Variants in LRP1B observed in about 807,000 individuals in gnomAD.
The protein encoded by LRP1B is low-density lipoprotein receptor-related protein 1B.
A neutral mutation model predicts 556.6 loss-of-function variants in LRP1B; 217 were observed. The ratio of observed to expected loss-of-function variants is 0.39; its 90% confidence interval spans 0.35 to 0.44. LRP1B has a LOEUF of 0.44. Ranked by LOEUF, LRP1B falls within the 20% of genes least tolerant of loss-of-function variation. The pLI is 1.00. For synonymous variants in LRP1B, 2,047 were observed against 1,865.8 expected (o/e 1.10, Z -2.50); for missense variants, 5,053 against 5,620.8 (o/e 0.90, Z 3.23).
intron 55 of LRP1B, among the ~76,000 whole-genome samples, chr2:140,498,641 T>C (rs1018081366): frequency 1.3e-5 from 2 of 151,844 alleles, no homozygotes; most frequent in African/African-American, 2.4e-5. Flanking sequence ...GGCTGCTGGA[T>C]AGTTTTCACC....
intron 48 of LRP1B, 63 bp from the exon 49 acceptor site, chr2:140,526,056 G>T: frequency 1.3e-6 from 2 of 1,537,528 alleles, no homozygotes; most frequent in Non-Finnish European, 1.8e-6. Flanking sequence ...AGCCTTCTAT[G>T]TAGGTCATAG....
intron 2 of LRP1B, among the ~76,000 whole-genome samples, chr2:141,492,806 T>C (rs1466577496): frequency 3.9e-5 from 6 of 152,130 alleles, no homozygotes; most frequent in Non-Finnish European, 7.4e-5. Context: ...AATATACCAG[T>C]CCTGAATCAT....
At chr2:141,108,730 T>C (rs1192774067) in intron 7 of LRP1B, among the ~76,000 whole-genome samples, 1 of 152,140 alleles carries the variant, frequency 6.6e-6, no homozygotes, top group Non-Finnish European at 1.5e-5. Context: ...TGAATAAATG[T>C]TAGAAAAATA....
intron 3 of LRP1B, among the ~76,000 whole-genome samples, chr2:141,429,282 AT>A (rs2104980584): frequency 6.6e-6 from 1 of 152,288 alleles, no homozygotes; most frequent in African/African-American, 2.4e-5. Flanking sequence ...ATTAAGAGAC[AT>A]TTACCCTTTT....
chr2:142,060,908 C>A (rs1574643771), intron 1 of LRP1B, among the ~76,000 whole-genome samples: 1 of 151,884 alleles, frequency 6.6e-6, no homozygotes, highest in East Asian at 1.9e-4. Context: ...CCGTGTATGT[C>A]CTAATGCACT....
intron 2 of LRP1B, among the ~76,000 whole-genome samples, chr2:141,613,120 T>A (rs1234028923): frequency 1.3e-5 from 2 of 152,132 alleles, no homozygotes; most frequent in Non-Finnish European, 2.9e-5. Context: ...TTTTTGTTTT[T>A]TAGGGAAGTC....
chr2:141,392,301 A>G (rs77309952), intron 3 of LRP1B, among the ~76,000 whole-genome samples: 7,315 of 152,138 alleles, frequency 0.048, 201 homozygotes, highest in Middle Eastern at 0.078. Context: ...GCATTTTAGT[A>G]TATAAAAGTC....
chr2:141,683,017 C>A (rs148024987), intron 2 of LRP1B, among the ~76,000 whole-genome samples: 321 of 152,146 alleles, frequency 2.1e-3, no homozygotes, highest in African/African-American at 7.3e-3. Flanking sequence ...AACATAAGCC[C>A]AGGAATGCTG....
chr2:140,685,258 T>C (rs1187218891), intron 41 of LRP1B, among the ~76,000 whole-genome samples: 3 of 152,228 alleles, frequency 2.0e-5, no homozygotes, highest in Admixed American at 6.5e-5. Context: ...TATTAATTTA[T>C]AGTTATGAAT....
rs1409498493 is a variant in LRP1B, at chr2:141,182,424, A to T, written c.1013+5997T>A. 2.0e-5 allele frequency among the ~76,000 whole-genome samples: 3 copies of T among 152,014 alleles called. No individual in the cohort carries two copies. In the East Asian group the frequency reaches 5.8e-4, roughly 29 times the overall value. On this transcript the variant is annotated intron_variant, in intron 7 of 90. Coordinates refer to ENST00000389484, the MANE Select transcript of LRP1B (RefSeq NM_018557.3). ...ATAACCCCTTGATACTTTCCATCCTACAGGTGAATGCTGAGGTCAGCTAAT... is the reference window on the plus strand; with the variant it reads ...ATAACCCCTTGATACTTTCCATCCTTCAGGTGAATGCTGAGGTCAGCTAAT...
chr2:141,772,923 C>A (rs1013330118), intron 2 of LRP1B, among the ~76,000 whole-genome samples: 1 of 152,186 alleles, frequency 6.6e-6, no homozygotes, highest in African/African-American at 2.4e-5. Flanking sequence ...GCCCACAGTT[C>A]TCCTGTCTCC....
chr2:141,444,483 G>A (rs1681104579), intron 3 of LRP1B, among the ~76,000 whole-genome samples: 2 of 152,204 alleles, frequency 1.3e-5, no homozygotes, highest in South Asian at 2.1e-4. Flanking sequence ...AGTGGTGAAA[G>A]AGGGCATCCT....
intron 33 of LRP1B, among the ~76,000 whole-genome samples, chr2:140,772,960 T>C (rs13390153): frequency 0.78 from 118,678 of 151,818 alleles, 47,073 homozygotes; most frequent in East Asian, 0.99. Flanking sequence ...ATTAGCCAGG[T>C]GTGGTGGCTA....
intron 2 of LRP1B, among the ~76,000 whole-genome samples, chr2:141,765,115 A>AAACT (rs370480287): frequency 0.2 from 30,302 of 149,058 alleles, 4,400 homozygotes; most frequent in African/African-American, 0.33. Flanking sequence ...ACAAACAAAC[A>AAACT]GGGAAAGAAT....
chr2:140,249,851 A>C (rs942753609), intron 86 of LRP1B, among the ~76,000 whole-genome samples: 1 of 151,852 alleles, frequency 6.6e-6, no homozygotes, highest in Non-Finnish European at 1.5e-5. Flanking sequence ...ATAAATCTTC[A>C]TACTTTAAGT....
intron 37 of LRP1B, among the ~76,000 whole-genome samples, chr2:140,708,000 T>C (rs966030909): frequency 1.3e-5 from 2 of 152,082 alleles, no homozygotes; most frequent in East Asian, 3.8e-4. Context: ...CATGCACTCA[T>C]CAACAAATAC....
chr2:141,737,215 G>A (rs1414691704), intron 2 of LRP1B, among the ~76,000 whole-genome samples: 2 of 152,174 alleles, frequency 1.3e-5, no homozygotes, highest in Admixed American at 6.5e-5. Flanking sequence ...AGCTAGGCAT[G>A]GTGGCACATG....
chr2:141,085,261 C>A (rs539607373), intron 7 of LRP1B, among the ~76,000 whole-genome samples: 18 of 152,254 alleles, frequency 1.2e-4, no homozygotes, highest in African/African-American at 2.6e-4. Flanking sequence ...CCTCATGTGT[C>A]TGCTAAAGAA....
At chr2:141,987,695 T>C (rs1005980471) in intron 1 of LRP1B, among the ~76,000 whole-genome samples, 4 of 151,896 alleles carry the variant, frequency 2.6e-5, no homozygotes, top group Admixed American at 2.6e-4. Flanking sequence ...TATATGAGAT[T>C]TATTTTTCTA....
Sources: allele counts gnomAD v4.1 joint callset (sites outside exome capture counted in the v4.1 genomes callset), GRCh38; gene constraint gnomAD v4.1.1; transcripts MANE v1.5; gene names NCBI Gene and HGNC (gene_info 2026-07-23, HGNC 2026-07-21).